GHR: variants seen among roughly 807,000 people sequenced by gnomAD.
GHR encodes GH receptor.
In GHR, 35 loss-of-function variants were observed where a neutral mutation model predicts 67.1. That is an observed-to-expected ratio of 0.52 (90% confidence interval 0.40 to 0.69). GHR has a LOEUF of 0.69. Among genes scored for constraint, GHR ranks in the 30% least tolerant of loss-of-function variants. GHR has a pLI of 0.00. For missense variants in GHR, 792 were observed against 764.6 expected, an observed-to-expected ratio of 1.04 and a Z score of -0.42; for synonymous variants, 272 against 269.1, an observed-to-expected ratio of 1.01 and a Z score of -0.10.
At chr5:42,661,295 A>T (rs1026808481) in intron 3 of GHR, among the ~76,000 whole-genome samples, 4 of 152,218 alleles carry the variant, frequency 2.6e-5, no homozygotes, top group Admixed American at 2.6e-4. Context: ...TCCAAGACAC[A>T]TAATTGTCAG....
chr5:42,472,160 T>G (rs1489932433), intron 1 of GHR, among the ~76,000 whole-genome samples: 1 of 152,206 alleles, frequency 6.6e-6, no homozygotes, highest in Non-Finnish European at 1.5e-5. Context: ...GGGGGGTGAT[T>G]ATCATAAAAT....
At chr5:42,698,025 T>C (rs974877413) in intron 5 of GHR, among the ~76,000 whole-genome samples, 1 of 152,174 alleles carries the variant, frequency 6.6e-6, no homozygotes, top group African/African-American at 2.4e-5. Flanking sequence ...GACAAGTTCA[T>C]TGTTTTTATC....
intron 2 of GHR, among the ~76,000 whole-genome samples, chr5:42,625,549 G>A (rs972682290): frequency 1.3e-5 from 2 of 152,062 alleles, no homozygotes; most frequent in African/African-American, 2.4e-5. Flanking sequence ...GGTGGTCAGG[G>A]TACAGCTTGG....
intron 1 of GHR, chr5:42,467,330 G>A (rs1744774714): frequency 9.3e-7 from 1 of 1,078,008 alleles, no homozygotes; most frequent in South Asian, 1.3e-5. Context: ...CTTCGCTGAT[G>A]TACAATAAGA....
rs969007399 is a variant in GHR at position 42,681,439 on chromosome 5, G to C, written c.137-7451G>C. Among the ~76,000 whole-genome samples the C allele has an allele frequency of 5.9e-5, 9 of 151,930 alleles. No individual in the cohort carries two copies. In the South Asian group the frequency reaches 1.2e-3, roughly 21 times the overall value. ...TTTCACACCAGTTAGAATGGCGATCGTTAAAAAGTCAGGAAACAACAGATG... is the reference window on the plus strand; with the variant it reads ...TTTCACACCAGTTAGAATGGCGATCCTTAAAAAGTCAGGAAACAACAGATG... On this transcript the variant is annotated intron_variant, in intron 3 of 9. Transcript: ENST00000230882.
chr5:42,554,250 C>T (rs571207676), intron 1 of GHR, among the ~76,000 whole-genome samples: 33 of 152,066 alleles, frequency 2.2e-4, no homozygotes, highest in African/African-American at 6.8e-4. Context: ...GTTCCAAACA[C>T]TCTATTTTGG....
intron 2 of GHR, among the ~76,000 whole-genome samples, chr5:42,599,959 T>C (rs1263395904): frequency 1.3e-5 from 2 of 152,154 alleles, no homozygotes. Context: ...GTTTAAAAGA[T>C]TAAATAACAG....
At chr5:42,586,750 C>T (rs937802101) in intron 2 of GHR, among the ~76,000 whole-genome samples, 30 of 152,134 alleles carry the variant, frequency 2.0e-4, no homozygotes, top group African/African-American at 7.0e-4. Flanking sequence ...CCCCACTGAC[C>T]TCAAAGGGCC....
At chr5:42,522,254 A>T (rs1434695370) in intron 1 of GHR, among the ~76,000 whole-genome samples, 1 of 152,190 alleles carries the variant, frequency 6.6e-6, no homozygotes, top group Non-Finnish European at 1.5e-5. Flanking sequence ...ACAAGAAAAA[A>T]ATCATATATC....
At chr5:42,685,081 T>G (rs1472716057) in intron 3 of GHR, among the ~76,000 whole-genome samples, 6 of 152,146 alleles carry the variant, frequency 3.9e-5, no homozygotes, top group Admixed American at 3.9e-4. Flanking sequence ...CTCCTAATGT[T>G]ATCCCTCCCC....
intron 1 of GHR, among the ~76,000 whole-genome samples, chr5:42,474,297 G>GAAAGAAAGAAAGAAAGAAAGAA (rs1579769345): frequency 1.6e-5 from 2 of 124,274 alleles, no homozygotes; most frequent in East Asian, 4.2e-4. Context: ...AAGAGAAAGA[G>GAAAGAAAGAAAGAAAGAAAGAA]AAAGAAAGAA....
intron 1 of GHR, chr5:42,513,942 A>T (rs567166025): frequency 1.0e-3 from 186 of 178,874 alleles, no homozygotes; most frequent in Middle Eastern, 8.9e-3. Context: ...TAAATATAAA[A>T]ATGACTGCAA....
Position 42,719,567 on chromosome 5 carries a change from T to C in GHR, c.*143T>C. On this transcript the variant is annotated 3_prime_UTR_variant, in exon 10 of 10. Transcript: ENST00000230882. ...GATTCTAAAATGCCTTTTCCCAAAA[T>C]GTTGAAATATGATGTTAAAAAAATA... 1.3e-6 allele frequency: 1 copy of C among 758,778 alleles called. No homozygotes were observed. The highest frequency in any genetic ancestry group is 2.3e-6 in the Non-Finnish European group (1 of 426,488). 47.0% of individuals were successfully genotyped at this position (758,778 alleles called of 1,614,324 possible). A position where few individuals can be genotyped will look rare whatever the true frequency, so the allele number is the denominator to read the frequency against.
intron 1 of GHR, among the ~76,000 whole-genome samples, chr5:42,537,967 G>T (rs1013509800): frequency 1.6e-4 from 24 of 152,160 alleles, no homozygotes; most frequent in Admixed American, 1.2e-3. Flanking sequence ...TCTGATACAA[G>T]AATTGCTACC....
chr5:42,714,190 G>A (rs1478892331), intron 8 of GHR: 5 of 152,460 alleles, frequency 3.3e-5, no homozygotes, highest in African/African-American at 9.7e-5. Context: ...TTACAGGCGT[G>A]AGCTACCGCG....
At chr5:42,480,488 G>A (rs1168233361) in intron 1 of GHR, among the ~76,000 whole-genome samples, 1 of 152,178 alleles carries the variant, frequency 6.6e-6, no homozygotes, top group Non-Finnish European at 1.5e-5. Flanking sequence ...ACATTGGGGT[G>A]TTAAAGTCTC....
intron 1 of GHR, among the ~76,000 whole-genome samples, chr5:42,490,719 T>A (rs1207603492): frequency 1.3e-5 from 2 of 152,236 alleles, no homozygotes; most frequent in African/African-American, 4.8e-5. Context: ...ATCTTATAAT[T>A]GCACAGATTC....
At chr5:42,460,075 T>C (rs1744423665) in intron 1 of GHR, among the ~76,000 whole-genome samples, 1 of 152,170 alleles carries the variant, frequency 6.6e-6, no homozygotes, top group Non-Finnish European at 1.5e-5. Flanking sequence ...CCTATAGAGT[T>C]GGTGCTCTTA....
At position 42,470,696 on chromosome 5, in the gene GHR, T is replaced by C. The variant is rs535604782; in HGVS notation, c.-12+46741T>C. Among the ~76,000 whole-genome samples the C allele has an allele frequency of 2.5e-3, 385 of 152,318 alleles. 1 individual carries two copies. Among genetic ancestry groups the C allele is most frequent in the Non-Finnish European group, 3.0e-3 (205 of 68,018 alleles). On this transcript the variant is annotated intron_variant, in intron 1 of 9. Coordinates refer to ENST00000230882, the MANE Select transcript of GHR (RefSeq NM_000163.5). Reference sequence around the variant, plus strand: ...TTTGCCGCAGCCCCTAGCCCTACACTGTAAGGATCTTGCTTTCCATGAGGT... The same window carrying C: ...TTTGCCGCAGCCCCTAGCCCTACACCGTAAGGATCTTGCTTTCCATGAGGT...
Sources: allele counts gnomAD v4.1 joint callset (sites outside exome capture counted in the v4.1 genomes callset), GRCh38; gene constraint gnomAD v4.1.1; transcripts MANE v1.5; gene names NCBI Gene and HGNC (gene_info 2026-07-23, HGNC 2026-07-21).